Variants in ANGPT1 observed in about 807,000 individuals in gnomAD.
The protein encoded by ANGPT1 is angiopoietin 1.
In ANGPT1, 17 loss-of-function variants were observed where a neutral mutation model predicts 62.2. The ratio of observed to expected loss-of-function variants is 0.27; its 90% CI spans 0.19 to 0.41. ANGPT1 has a LOEUF of 0.41. Among genes scored for constraint, ANGPT1 ranks in the 10% least tolerant of loss-of-function variants. The probability of loss-of-function intolerance (pLI) is 1.00; values close to 1 mark genes in which losing one functional copy is unlikely to be tolerated. For synonymous variants in ANGPT1, 199 were observed against 198.9 expected (o/e 1.00, Z 0.00); for missense variants, 478 against 594.9 (o/e 0.80, Z 2.04).
At chr8:107,389,536 G>T (rs1395917754) in intron 1 of ANGPT1, among the ~76,000 whole-genome samples, 4 of 152,120 alleles carry the variant, frequency 2.6e-5, no homozygotes, top group African/African-American at 9.7e-5. Flanking sequence ...GTCTCTGTTA[G>T]TTCCATTGCA....
intron 1 of ANGPT1, among the ~76,000 whole-genome samples, chr8:107,477,471 G>A (rs1812563069): frequency 6.6e-6 from 1 of 152,168 alleles, no homozygotes; most frequent in South Asian, 2.1e-4. Flanking sequence ...ACTTCATTCT[G>A]AGGATACCAT....
Position 107,446,194 on chromosome 8 carries a change from G to A in ANGPT1, c.297+51068C>T, listed in dbSNP as rs566395785. On this transcript the variant is annotated intron_variant, in intron 1 of 8. Transcript: ENST00000517746. ...GGCTTCCCAGAGTGCTGGGATTACA[G>A]GCATGAGCCACCACGCCCGGCCAAT... 7.9e-5 allele frequency among the ~76,000 whole-genome samples: 12 copies of A among 152,298 alleles called. 1 individual carries two copies. In the South Asian group the frequency reaches 2.5e-3, roughly 32 times the overall value.
chr8:107,375,652 G>C (rs368840788), intron 1 of ANGPT1, among the ~76,000 whole-genome samples: 2 of 152,254 alleles, frequency 1.3e-5, no homozygotes, highest in African/African-American at 4.8e-5. Flanking sequence ...CGTTAGCCAG[G>C]CTCCATATTG....
chr8:107,303,314 C>A lies in ANGPT1; in HGVS notation c.862G>T (p.Asp288Tyr). Residue 288 changes from aspartate (D) to tyrosine (Y), a missense_variant, in exon 5 of 9, where the codon GAT becomes TAT. Physicochemically the swap from Asp to Tyr is radical, Grantham distance 160. Around this residue, in one of 4 missense-constraint regions of ANGPT1, gnomAD observed 343 missense variants for 355.4 expected, o/e 0.97. Coordinates refer to ENST00000517746, the MANE Select transcript of ANGPT1 (RefSeq NM_001146.5). ...EEEKPFRDCADVYQAGFNKSG... is the reference protein window; with the variant it reads ...EEEKPFRDCAYVYQAGFNKSG... ...TTATTAAAACCAGCTTGATATACAT[C>A]TGCACAGTCTCTAAATGGTTTCTCT... 6.2e-7 allele frequency: 1 copy of A among 1,604,286 alleles called. No homozygotes were observed. The highest frequency in any genetic ancestry group is 1.1e-5 in the South Asian group (1 of 90,638).
intron 6 of ANGPT1, among the ~76,000 whole-genome samples, chr8:107,287,803 C>G (rs1376165495): frequency 6.6e-6 from 1 of 152,092 alleles, no homozygotes; most frequent in African/African-American, 2.4e-5. Context: ...TGTTTCTGAG[C>G]CTCAGTTTCT....
At chr8:107,354,642 AC>A (rs140747047) in intron 1 of ANGPT1, among the ~76,000 whole-genome samples, 6,038 of 152,230 alleles carry the variant, frequency 0.04, 328 homozygotes, top group African/African-American at 0.12. Flanking sequence ...GATACTAGAA[AC>A]AATAGCAAAG....
At chr8:107,426,279 G>A (rs1811040375) in intron 1 of ANGPT1, among the ~76,000 whole-genome samples, 1 of 152,138 alleles carries the variant, frequency 6.6e-6, no homozygotes, top group African/African-American at 2.4e-5. Flanking sequence ...AAAGTACAGT[G>A]GGAGAATAAA....
At chr8:107,450,030 A>C (rs1023953992) in intron 1 of ANGPT1, among the ~76,000 whole-genome samples, 4 of 152,038 alleles carry the variant, frequency 2.6e-5, no homozygotes, top group Non-Finnish European at 4.4e-5. Flanking sequence ...GAATCTTTAA[A>C]ATATGAAAAT....
chr8:107,417,915 TC>T (rs1399896942), intron 1 of ANGPT1, among the ~76,000 whole-genome samples: 2 of 152,158 alleles, frequency 1.3e-5, no homozygotes, highest in African/African-American at 4.8e-5. Context: ...GGACAGGGTT[TC>T]CCTCATAGTC....
At chr8:107,485,894 TAGTC>T (rs1165912305) in intron 1 of ANGPT1, among the ~76,000 whole-genome samples, 2 of 152,342 alleles carry the variant, frequency 1.3e-5, no homozygotes, top group South Asian at 2.1e-4. Context: ...TTTAGATAAA[TAGTC>T]AGACTCAATT....
chr8:107,442,042 C>A (rs1180292033), intron 1 of ANGPT1, among the ~76,000 whole-genome samples: 1 of 152,014 alleles, frequency 6.6e-6, no homozygotes, highest in East Asian at 1.9e-4. Context: ...CAAGATCACG[C>A]CATCGCACTC....
chr8:107,444,737 G>A (rs185007438), intron 1 of ANGPT1, among the ~76,000 whole-genome samples: 88 of 152,190 alleles, frequency 5.8e-4, no homozygotes, highest in African/African-American at 1.6e-3. Flanking sequence ...ACAATGATGA[G>A]AGTGAAAAAA....
At chr8:107,443,998 G>A (rs1420184946) in intron 1 of ANGPT1, among the ~76,000 whole-genome samples, 2 of 152,102 alleles carry the variant, frequency 1.3e-5, no homozygotes, top group African/African-American at 4.8e-5. Flanking sequence ...GATTTAGTAT[G>A]CTTAATGGCA....
intron 3 of ANGPT1, among the ~76,000 whole-genome samples, chr8:107,325,743 CATA>C (rs1430305922): frequency 3.3e-5 from 5 of 152,046 alleles, no homozygotes; most frequent in East Asian, 1.9e-4. Flanking sequence ...CTGTTTCAGA[CATA>C]ATACTTTTTT....
chr8:107,386,335 C>T (rs1190461222), intron 1 of ANGPT1, among the ~76,000 whole-genome samples: 1 of 151,996 alleles, frequency 6.6e-6, no homozygotes, highest in Admixed American at 6.6e-5. Flanking sequence ...TAGCAAACCC[C>T]TGCAACATGC....
chr8:107,290,034 C>G (rs1216825905), intron 6 of ANGPT1, among the ~76,000 whole-genome samples: 1 of 152,106 alleles, frequency 6.6e-6, no homozygotes, highest in Non-Finnish European at 1.5e-5. Context: ...AATCCATAAA[C>G]CAGATTTTGC....
At chr8:107,370,313 A>T (rs185057190) in intron 1 of ANGPT1, among the ~76,000 whole-genome samples, 2 of 92,358 alleles carry the variant, frequency 2.2e-5, no homozygotes, top group Non-Finnish European at 4.8e-5. Flanking sequence ...GAAAGAAGGA[A>T]GGAAGGAAAG....
At chr8:107,481,097 C>T (rs1165207907) in intron 1 of ANGPT1, among the ~76,000 whole-genome samples, 2 of 152,124 alleles carry the variant, frequency 1.3e-5, no homozygotes, top group African/African-American at 2.4e-5. Context: ...CAGCAGAGTC[C>T]TTCTTCACAA....
intron 1 of ANGPT1, among the ~76,000 whole-genome samples, chr8:107,388,819 G>A (rs1586281100): frequency 6.6e-6 from 1 of 152,164 alleles, no homozygotes; most frequent in East Asian, 1.9e-4. Flanking sequence ...TTTCTGCAAT[G>A]TATGGATCAA....
Sources: gnomAD v4.1 joint callset for allele counts (sites outside exome capture counted in the v4.1 genomes callset) on GRCh38, gnomAD v4.1.1 for gene constraint, gnomAD v4.1.1 regional missense constraint, MANE v1.5 for transcripts, NCBI Gene and HGNC (gene_info 2026-07-23, HGNC 2026-07-21) for gene names.